Variants in PAX2 observed in about 807,000 individuals in gnomAD.
PAX2 encodes the protein paired box protein Pax-2.
Under a neutral mutation model 41.7 loss-of-function variants are expected in PAX2, and 9 were observed. That is an observed-to-expected ratio of 0.22 (90% CI 0.13 to 0.38). PAX2 has a LOEUF of 0.38. Among genes scored for constraint, PAX2 ranks in the 10% least tolerant of loss-of-function variants. The pLI, the probability that PAX2 is intolerant of heterozygous loss-of-function variation, is 1.00. For missense variants in PAX2, 418 were observed against 531.6 expected, an observed-to-expected ratio of 0.79 and a Z score of 2.10; for synonymous variants, 221 against 212.7, an observed-to-expected ratio of 1.04 and a Z score of -0.34.
intron 5 of PAX2, among the ~76,000 whole-genome samples, chr10:100,790,129 G>T (rs1022978595): frequency 3.3e-5 from 5 of 152,192 alleles, no homozygotes; most frequent in South Asian, 2.1e-4. Context: ...CCATCTGGTT[G>T]TTTGGGGAAG....
chr10:100,743,315 T>C (rs2133817756), upstream of PAX2, among the ~76,000 whole-genome samples: 1 of 152,212 alleles, frequency 6.6e-6, no homozygotes, highest in Admixed American at 6.5e-5. Flanking sequence ...AAATGGAAAA[T>C]CCTTCTCGCC....
intron 5 of PAX2, among the ~76,000 whole-genome samples, chr10:100,782,922 G>A (rs1205495444): frequency 6.6e-6 from 1 of 152,236 alleles, no homozygotes; most frequent in Non-Finnish European, 1.5e-5. Flanking sequence ...TTAACCAGCA[G>A]CCCCTGTGTT....
chr10:100,815,843 G>A (rs914807964), intron 7 of PAX2, among the ~76,000 whole-genome samples: 1 of 152,184 alleles, frequency 6.6e-6, no homozygotes, highest in Admixed American at 6.5e-5. Flanking sequence ...CGGCCACCCT[G>A]TGCTGCTGGG....
intron 3 of PAX2, among the ~76,000 whole-genome samples, chr10:100,763,887 T>A (rs1222642345): frequency 6.6e-6 from 1 of 152,182 alleles, no homozygotes; most frequent in Non-Finnish European, 1.5e-5. Flanking sequence ...GTCCACCTTA[T>A]ATCCTCTGTG....
At chr10:100,755,090 TC>T (rs144145423) in intron 3 of PAX2, among the ~76,000 whole-genome samples, 1 of 152,170 alleles carries the variant, frequency 6.6e-6, no homozygotes, top group African/African-American at 2.4e-5. Flanking sequence ...CCAGAGACAG[TC>T]CCCTACTGTG....
chr10:100,801,812 A>T (rs1202712963), intron 5 of PAX2, among the ~76,000 whole-genome samples: 1 of 152,242 alleles, frequency 6.6e-6, no homozygotes, highest in Non-Finnish European at 1.5e-5. Context: ...GCAGAGTGAA[A>T]TGATTTAGAG....
upstream of PAX2, among the ~76,000 whole-genome samples, chr10:100,742,775 C>A (rs997374428): frequency 6.7e-6 from 1 of 148,886 alleles, no homozygotes; most frequent in African/African-American, 2.5e-5. Context: ...GGTCGGAGCC[C>A]GGGTAGTGTT....
chr10:100,817,995 A>C (rs1435571178), intron 7 of PAX2, among the ~76,000 whole-genome samples: 1 of 152,258 alleles, frequency 6.6e-6, no homozygotes, highest in Non-Finnish European at 1.5e-5. Context: ...TACAAATTTA[A>C]TAACTGTGTA....
At chr10:100,815,363 G>A (rs1264095122) in intron 7 of PAX2, among the ~76,000 whole-genome samples, 1 of 152,152 alleles carries the variant, frequency 6.6e-6, no homozygotes, top group African/African-American at 2.4e-5. Flanking sequence ...TCCTTGAAAG[G>A]AGAGGGCTAA....
At chr10:100,793,890 G>T (rs1006545) in intron 5 of PAX2, among the ~76,000 whole-genome samples, 138,372 of 152,246 alleles carry the variant, frequency 0.91, 62,929 homozygotes, top group East Asian at 1. Context: ...CAGGAGCTTA[G>T]AGCCTGCTGG....
At chr10:100,777,739 G>A (rs1846450950) in intron 3 of PAX2, among the ~76,000 whole-genome samples, 1 of 152,172 alleles carries the variant, frequency 6.6e-6, no homozygotes, top group Non-Finnish European at 1.5e-5. Context: ...TCTCAGCTTT[G>A]GTTTTCAATT....
chr10:100,790,612 C>T (rs1305714611), intron 5 of PAX2, among the ~76,000 whole-genome samples: 1 of 152,212 alleles, frequency 6.6e-6, no homozygotes, highest in Non-Finnish European at 1.5e-5. Context: ...CTGGGCGCCT[C>T]TTCCTCTGCA....
At chr10:100,823,032 T>C (rs1848421970) in intron 7 of PAX2, among the ~76,000 whole-genome samples, 1 of 152,072 alleles carries the variant, frequency 6.6e-6, no homozygotes, top group African/African-American at 2.4e-5. Flanking sequence ...AAATATTCTG[T>C]GGCAAAAAGA....
chr10:100,742,843 C>CTTTTTTTTTTTTTTTTTTTTTT (rs61627823), upstream of PAX2, among the ~76,000 whole-genome samples: 21 of 41,258 alleles, frequency 5.1e-4, 9 homozygotes, highest in Admixed American at 7.8e-4. Context: ...TTCTTTCTTC[C>CTTTTTTTTTTTTTTTTTTTTTT]TTTTTTTTTT....
Position 100,748,011 on chromosome 10 carries a change from G to A in PAX2, c.43+1708G>A, listed in dbSNP as rs892205743. 1 of 984,502 alleles carries A rather than the reference G, an allele frequency of 1.0e-6. No homozygotes were observed. The allele number at this position is 984,502 out of a possible 1,614,324, so 61.0% of individuals were successfully genotyped here. A position where few individuals can be genotyped will look rare whatever the true frequency, so the allele number is the denominator to read the frequency against. On this transcript the variant is annotated intron_variant, in intron 1 of 9. Transcript: ENST00000355243. The surrounding 1 kb of genome is among the most constrained non-coding windows in gnomAD (Gnocchi z 5.0). ...GAGCCGCAGCGCGGGCCCGCGGGCC[G>A]GTGGACTGGTGGGTGAGACACCGCA...
At chr10:100,793,334 T>C (rs1227109875) in intron 5 of PAX2, among the ~76,000 whole-genome samples, 1 of 152,192 alleles carries the variant, frequency 6.6e-6, no homozygotes, top group East Asian at 1.9e-4. Context: ...CTAAACCCAC[T>C]CAAGGCTCAC....
chr10:100,754,765 T>C (rs1263546798), intron 3 of PAX2, among the ~76,000 whole-genome samples: 1 of 152,224 alleles, frequency 6.6e-6, no homozygotes, highest in African/African-American at 2.4e-5. Context: ...TGTTTCTCCC[T>C]CTCTGAAACT....
intron 5 of PAX2, among the ~76,000 whole-genome samples, chr10:100,789,054 C>T (rs553783209): frequency 6.6e-6 from 1 of 152,132 alleles, no homozygotes; most frequent in East Asian, 1.9e-4. Flanking sequence ...TGGTTCAGCA[C>T]TGTAAGAAGG....
chr10:100,764,226 C>G (rs1222036783), intron 3 of PAX2, among the ~76,000 whole-genome samples: 4 of 150,432 alleles, frequency 2.7e-5, no homozygotes, highest in Non-Finnish European at 5.9e-5. Context: ...TCACTGCAAC[C>G]TCCGCCTCCC....
Sources: gnomAD v4.1 joint callset for allele counts (sites outside exome capture counted in the v4.1 genomes callset) on GRCh38, gnomAD v4.1.1 for gene constraint, Gnocchi (gnomAD v3.1) non-coding constraint, MANE v1.5 for transcripts, NCBI Gene and HGNC (gene_info 2026-07-23, HGNC 2026-07-21) for gene names.